Variants in GULP1 observed in about 807,000 individuals in gnomAD.
The protein encoded by GULP1 is GULP PTB domain containing engulfment adaptor 1.
GULP1 carries 19 observed loss-of-function variants against 40.9 expected under a neutral mutation model. That is an observed-to-expected ratio of 0.46 (90% CI 0.32 to 0.68). GULP1 has a LOEUF of 0.68. Ranked by LOEUF, GULP1 falls within the 30% of genes least tolerant of loss-of-function variation. The pLI is 0.03. For synonymous variants in GULP1, 119 were observed against 117.6 expected (o/e 1.01, Z -0.08); for missense variants, 312 against 362.2 (o/e 0.86, Z 1.12).
At chr2:188,467,883 A>T (rs927957950) in intron 2 of GULP1, among the ~76,000 whole-genome samples, 2 of 152,178 alleles carry the variant, frequency 1.3e-5, no homozygotes, top group Admixed American at 1.3e-4. Flanking sequence ...GATATAAAAG[A>T]CATGTCTGAT....
intron 2 of GULP1, among the ~76,000 whole-genome samples, chr2:188,451,800 G>A (rs2058854780): frequency 6.6e-6 from 1 of 151,508 alleles, no homozygotes; most frequent in African/African-American, 2.4e-5. Flanking sequence ...ATTTTAAATT[G>A]CACTAATGTA....
chr2:188,497,515 G>T (rs538095973), intron 4 of GULP1, among the ~76,000 whole-genome samples: 2 of 151,930 alleles, frequency 1.3e-5, no homozygotes, highest in Non-Finnish European at 2.9e-5. Context: ...ATGAGATGAC[G>T]TGTTTATCTA....
intron 7 of GULP1, among the ~76,000 whole-genome samples, chr2:188,553,404 T>C (rs1693989165): frequency 6.6e-6 from 1 of 152,104 alleles, no homozygotes; most frequent in African/African-American, 2.4e-5. Context: ...AAATTCTTTT[T>C]CTGTGTCTAT....
At chr2:188,508,485 A>G (rs1342358022) in intron 4 of GULP1, among the ~76,000 whole-genome samples, 1 of 151,986 alleles carries the variant, frequency 6.6e-6, no homozygotes, top group Non-Finnish European at 1.5e-5. Context: ...TGATCACCTC[A>G]TAGCTGTATC....
intron 1 of GULP1, among the ~76,000 whole-genome samples, chr2:188,381,963 T>C (rs2152499521): frequency 6.6e-6 from 1 of 152,322 alleles, no homozygotes; most frequent in African/African-American, 2.4e-5. Flanking sequence ...TAAATAATAG[T>C]GTTACTGAGT....
intron 7 of GULP1, among the ~76,000 whole-genome samples, chr2:188,546,032 A>T (rs567691596): frequency 6.6e-6 from 1 of 152,066 alleles, no homozygotes; most frequent in South Asian, 2.1e-4. Flanking sequence ...CCAAGAAGAT[A>T]TGGTAATCCT....
chr2:188,294,283 T>C (rs536142510), intron 1 of GULP1: 1 of 152,302 alleles, frequency 6.6e-6, no homozygotes, highest in African/African-American at 2.4e-5. Context: ...TCAGCTAGCA[T>C]GGATTTGGGT....
intron 4 of GULP1, among the ~76,000 whole-genome samples, chr2:188,488,539 T>C (rs2062059977): frequency 6.6e-6 from 1 of 152,166 alleles, no homozygotes; most frequent in Non-Finnish European, 1.5e-5. Context: ...GTCATTACTA[T>C]CTCTTGAGAA....
intron 5 of GULP1, among the ~76,000 whole-genome samples, chr2:188,528,327 C>T (rs1197892031): frequency 6.6e-6 from 1 of 151,908 alleles, no homozygotes; most frequent in Non-Finnish European, 1.5e-5. Flanking sequence ...TTTAGCTGGG[C>T]TCCTGAAATT....
intron 2 of GULP1, among the ~76,000 whole-genome samples, chr2:188,402,031 A>T (rs76366756): frequency 1.3e-5 from 2 of 152,110 alleles, no homozygotes; most frequent in East Asian, 1.9e-4. Flanking sequence ...GTATTTGCAC[A>T]TTCTTCTTTT....
intron 1 of GULP1, among the ~76,000 whole-genome samples, chr2:188,333,414 C>G (rs1054056793): frequency 6.6e-6 from 1 of 152,052 alleles, no homozygotes. Context: ...GCAAATATCT[C>G]TTACTAAGTA....
chr2:188,506,284 A>C (rs1237030111), intron 4 of GULP1, among the ~76,000 whole-genome samples: 3 of 151,894 alleles, frequency 2.0e-5, no homozygotes, highest in Non-Finnish European at 4.4e-5. Context: ...ATGGGACATT[A>C]AAATTATTGG....
intron 8 of GULP1, 41 bp from the exon 9 acceptor site, chr2:188,569,984 GAAA>G: frequency 1.5e-6 from 1 of 668,448 alleles, no homozygotes; most frequent in Non-Finnish European, 2.5e-6. Flanking sequence ...TATTTTCCAA[GAAA>G]AAAAAAACAG....
intron 4 of GULP1, among the ~76,000 whole-genome samples, chr2:188,505,935 G>A (rs1354757370): frequency 6.6e-6 from 1 of 151,708 alleles, no homozygotes; most frequent in Non-Finnish European, 1.5e-5. Context: ...TTGACCAACT[G>A]CATGACCTTA....
intron 4 of GULP1, among the ~76,000 whole-genome samples, chr2:188,492,748 T>C (rs1238024282): frequency 6.6e-6 from 1 of 152,084 alleles, no homozygotes; most frequent in Non-Finnish European, 1.5e-5. Flanking sequence ...TACCAAATTT[T>C]TTATATATCT....
chr2:188,413,306 A>G (rs1439760485), intron 2 of GULP1, among the ~76,000 whole-genome samples: 1 of 152,168 alleles, frequency 6.6e-6, no homozygotes, highest in Non-Finnish European at 1.5e-5. Context: ...TACACTCCCA[A>G]CAGTGTAAAA....
At chr2:188,313,389 G>GT (rs2106403993) in intron 1 of GULP1, among the ~76,000 whole-genome samples, 1 of 152,248 alleles carries the variant, frequency 6.6e-6, no homozygotes, top group African/African-American at 2.4e-5. Context: ...CCCATTGGTT[G>GT]TTTTTGTCAG....
At chr2:188,376,285 C>A (rs931668959) in intron 1 of GULP1, among the ~76,000 whole-genome samples, 3 of 152,146 alleles carry the variant, frequency 2.0e-5, no homozygotes, top group African/African-American at 7.2e-5. Context: ...CTTTTAAAAA[C>A]ACCTGTGATA....
chr2:188,343,513 G>C (rs1428254528), intron 1 of GULP1, among the ~76,000 whole-genome samples: 1 of 152,106 alleles, frequency 6.6e-6, no homozygotes, highest in Non-Finnish European at 1.5e-5. Context: ...AATAGTAAAA[G>C]ATCCTTAAAG....
Sources: allele counts gnomAD v4.1 joint callset (sites outside exome capture counted in the v4.1 genomes callset), GRCh38; gene constraint gnomAD v4.1.1; transcripts MANE v1.5; gene names NCBI Gene and HGNC (gene_info 2026-07-23, HGNC 2026-07-21).